GRIA3: variants seen among roughly 807,000 people sequenced by gnomAD.
The protein encoded by GRIA3 is glutamate ionotropic receptor AMPA type subunit 3, also known as glutamate receptor 3.
GRIA3 carries 3 observed loss-of-function variants against 63.0 expected under a neutral mutation model. That is an observed-to-expected ratio of 0.05 (90% CI 0.02 to 0.12). The LOEUF is 0.12. Among genes scored for constraint, GRIA3 ranks in the 10% least tolerant of loss-of-function variants. The pLI is 1.00. For synonymous variants in GRIA3, 274 were observed against 257.9 expected, an observed-to-expected ratio of 1.06 and a Z score of -0.60; for missense variants, 347 against 700.9, an observed-to-expected ratio of 0.50 and a Z score of 5.70.
chrX:123,204,321 G>C, intron 2 of GRIA3: 1 of 840,034 alleles, frequency 1.2e-6, no homozygotes, highest in South Asian at 2.2e-5. Context: ...CTGACAGAAA[G>C]GGAAGTTCCA....
intron 4 of GRIA3, among the ~76,000 whole-genome samples, chrX:123,350,415 T>C (rs1479895263): frequency 9.0e-6 from 1 of 111,494 alleles, no homozygotes; most frequent in East Asian, 2.8e-4. Flanking sequence ...TCCACACACA[T>C]ATTTTTTTCT....
At chrX:123,265,809 G>A (rs984770912) in intron 3 of GRIA3, among the ~76,000 whole-genome samples, 5 of 112,371 alleles carry the variant, frequency 4.4e-5, no homozygotes, top group African/African-American at 1.3e-4. Context: ...GTTTCCCTTC[G>A]TGTTCATTTC....
intron 6 of GRIA3, among the ~76,000 whole-genome samples, chrX:123,396,283 G>A (rs2045413446): frequency 9.2e-6 from 1 of 108,918 alleles, no homozygotes; most frequent in South Asian, 4.0e-4. Flanking sequence ...AAAAGATATA[G>A]AGATACATTC....
chrX:123,233,934 C>A (rs1453688618), intron 2 of GRIA3, among the ~76,000 whole-genome samples: 1 of 111,161 alleles, frequency 9.0e-6, no homozygotes, highest in Non-Finnish European at 1.9e-5. Context: ...ACCTTTTTTT[C>A]ATGTTTTCCT....
chrX:123,398,816 A>G lies in GRIA3; in HGVS notation c.1080+13A>G, dbSNP rs373037544. 9.1e-5 allele frequency: 107 copies of G among 1,180,358 alleles called. No individual in the cohort carries two copies. The highest frequency in any genetic ancestry group is 1.1e-4 in the Non-Finnish European group (97 of 869,152). Reference sequence around the variant, plus strand: ...AGCTCTGAAAATGGTAAAGACCACAATGGGTTATTGGGGTGGAAGAAACTT... The same window carrying G: ...AGCTCTGAAAATGGTAAAGACCACAGTGGGTTATTGGGGTGGAAGAAACTT... On this transcript the variant is annotated intron_variant, in intron 7 of 15. Coordinates refer to ENST00000620443, the MANE Select transcript of GRIA3 (RefSeq NM_007325.5).
At chrX:123,251,117 G>A (rs908985688) in intron 2 of GRIA3, among the ~76,000 whole-genome samples, 4 of 111,902 alleles carry the variant, frequency 3.6e-5, no homozygotes, top group African/African-American at 1.3e-4. Context: ...AAAAATATTT[G>A]TACAGTAGTT....
chrX:123,260,333 C>G (rs1249856573), intron 3 of GRIA3, among the ~76,000 whole-genome samples: 1 of 98,212 alleles, frequency 1.0e-5, no homozygotes, highest in African/African-American at 3.8e-5. Flanking sequence ...AAAGTTCCAG[C>G]TAAGTACCAT....
chrX:123,397,751 G>C (rs2045422313), intron 6 of GRIA3, among the ~76,000 whole-genome samples: 1 of 112,082 alleles, frequency 8.9e-6, no homozygotes, highest in African/African-American at 3.2e-5. Context: ...GGGACATTTT[G>C]CTACATTTTT....
chrX:123,229,509 G>A (rs968619851), intron 2 of GRIA3, among the ~76,000 whole-genome samples: 6 of 112,005 alleles, frequency 5.4e-5, no homozygotes, highest in East Asian at 2.8e-4. Flanking sequence ...CAATGTGCTC[G>A]TTCCCTCAGC....
At chrX:123,207,539 G>A (rs1045215941) in intron 2 of GRIA3, among the ~76,000 whole-genome samples, 1 of 111,717 alleles carries the variant, frequency 9.0e-6, no homozygotes, top group Non-Finnish European at 1.9e-5. Context: ...AAAGGGCCAC[G>A]AAATCCAGCC....
Position 123,203,236 on chromosome X carries a change from C to T in GRIA3, c.268+17246C>T, listed in dbSNP as rs1449883792. On this transcript the variant is annotated intron_variant, in intron 2 of 15. Coordinates refer to ENST00000620443, the MANE Select transcript of GRIA3 (RefSeq NM_007325.5). The stretch of plus-strand genomic sequence containing the variant: ...GGTATTTAGGGCTGCTTGGCTCAAA[C>T]TGAGATGCTAAAATCTCTGGTTTGC... Among the ~76,000 whole-genome samples, 91 of 111,533 alleles carry T rather than the reference C, an allele frequency of 8.2e-4. 4 individuals are homozygous for T. The highest frequency in any genetic ancestry group is 3.8e-5 in the Non-Finnish European group (2 of 53,145).
chrX:123,256,384 TAGAC>T (rs777957740), intron 3 of GRIA3, among the ~76,000 whole-genome samples: 1 of 110,722 alleles, frequency 9.0e-6, no homozygotes, highest in Non-Finnish European at 1.9e-5. Flanking sequence ...AGGAAAAAAA[TAGAC>T]AGATAATAAT....
chrX:123,336,054 A>T, intron 4 of GRIA3, among the ~76,000 whole-genome samples: 1 of 112,123 alleles, frequency 8.9e-6, no homozygotes, highest in African/African-American at 3.2e-5. Flanking sequence ...ATTCTAACAG[A>T]TGCTGTAACA....
intron 3 of GRIA3, among the ~76,000 whole-genome samples, chrX:123,322,586 C>T (rs1051167801): frequency 9.0e-6 from 1 of 110,631 alleles, no homozygotes; most frequent in African/African-American, 3.3e-5. Flanking sequence ...CTCCCTCAAG[C>T]GCATATTTAC....
chrX:123,466,063 A>T (rs1362797400), intron 13 of GRIA3, among the ~76,000 whole-genome samples: 1 of 111,574 alleles, frequency 9.0e-6, no homozygotes, highest in Non-Finnish European at 1.9e-5. Flanking sequence ...GAAAGCCATG[A>T]TGTGGGTTTC....
At chrX:123,222,506 C>T (rs1476472307) in intron 2 of GRIA3, among the ~76,000 whole-genome samples, 1 of 112,171 alleles carries the variant, frequency 8.9e-6, no homozygotes, top group African/African-American at 3.2e-5. Context: ...TACCACCAAC[C>T]AGAGGAACTA....
chrX:123,483,057 G>A lies in GRIA3; in HGVS notation c.*2+11G>A. The A allele has an allele frequency of 8.5e-7, 1 of 1,182,877 alleles. No homozygotes were observed. Among genetic ancestry groups the A allele is most frequent in the Non-Finnish European group, 1.1e-6 (1 of 869,952 alleles). Reference sequence around the variant, plus strand: ...TGTTAAGATCTAGGGGTACGGTTAAGGTCTAGTAAACTAATCAGCTTTACT... The same window carrying A: ...TGTTAAGATCTAGGGGTACGGTTAAAGTCTAGTAAACTAATCAGCTTTACT... On this transcript the variant is annotated intron_variant, in intron 15 of 15. Coordinates refer to ENST00000620443, the MANE Select transcript of GRIA3 (RefSeq NM_007325.5).
intron 2 of GRIA3, among the ~76,000 whole-genome samples, chrX:123,195,921 C>T (rs1349726617): frequency 9.0e-6 from 1 of 111,641 alleles, no homozygotes; most frequent in Non-Finnish European, 1.9e-5. Context: ...CACTCTATAT[C>T]TAGTAGCTTT....
intron 3 of GRIA3, among the ~76,000 whole-genome samples, chrX:123,281,329 T>C (rs2044584609): frequency 8.9e-6 from 1 of 111,779 alleles, no homozygotes; most frequent in Non-Finnish European, 1.9e-5. Flanking sequence ...TACTTGTCTA[T>C]GGCATCATTG....
Sources: gnomAD v4.1 joint callset for allele counts (sites outside exome capture counted in the v4.1 genomes callset) on GRCh38, gnomAD v4.1.1 for gene constraint, MANE v1.5 for transcripts, NCBI Gene and HGNC (gene_info 2026-07-23, HGNC 2026-07-21) for gene names.